Variants in ALDH1A2 observed in about 807,000 individuals in gnomAD.
ALDH1A2 encodes the protein retinal dehydrogenase 2.
ALDH1A2 carries 27 observed loss-of-function variants against 60.3 expected under a neutral mutation model. The ratio of observed to expected loss-of-function variants is 0.45; its 90% CI spans 0.33 to 0.62. The LOEUF is 0.62. ALDH1A2 is among the 20% of genes least tolerant of loss of function. ALDH1A2 has a pLI of 0.02. For synonymous variants in ALDH1A2, 289 were observed against 232.4 expected, an observed-to-expected ratio of 1.24 and a Z score of -2.21; for missense variants, 581 against 643.8, an observed-to-expected ratio of 0.90 and a Z score of 1.06.
At chr15:57,970,146 G>A (rs1343682435) in intron 7 of ALDH1A2, among the ~76,000 whole-genome samples, 2 of 152,258 alleles carry the variant, frequency 1.3e-5, no homozygotes, top group Non-Finnish European at 2.9e-5. Flanking sequence ...TTATGAAGCA[G>A]AAGTAGCTTG....
At chr15:57,982,335 T>A (rs1446589079) in intron 7 of ALDH1A2, among the ~76,000 whole-genome samples, 1 of 152,254 alleles carries the variant, frequency 6.6e-6, no homozygotes, top group Admixed American at 6.5e-5. Context: ...TTTTCTGATA[T>A]GACTGACATA....
Position 58,014,300 on chromosome 15 carries a change from G to C in ALDH1A2, c.118-19C>G. ...TAAAGATCTAAGGGAGTAGATAACA[G>C]AATGGGATCTGTGACACAGGTGATA... On this transcript the variant is annotated intron_variant, in intron 1 of 12. Transcript: ENST00000249750. The C allele has an allele frequency of 6.3e-7, 1 of 1,586,058 alleles. No individual in the cohort carries two copies. The highest frequency in any genetic ancestry group is 8.7e-7 in the Non-Finnish European group (1 of 1,154,612).
rs71116542 is a variant in ALDH1A2, at chr15:57,986,571, CA to C, written c.798+6133del. Among the ~76,000 whole-genome samples, 802 of 82,034 alleles carry C rather than the reference CA, an allele frequency of 9.8e-3. 7 individuals carry two copies. Among genetic ancestry groups the C allele is most frequent in the African/African-American group, 0.035 (697 of 19,728 alleles). 53.8% of individuals were successfully genotyped at this position (82,034 alleles called of 152,430 possible). Reference sequence around the variant, plus strand: ...ATCCTTTCAAAATTAACAGAAAAGCCAAAAAAAAAAAAAAAAAAAAAAGGAC... The same window carrying C: ...ATCCTTTCAAAATTAACAGAAAAGCCAAAAAAAAAAAAAAAAAAAAAGGAC... On this transcript the variant is annotated intron_variant, in intron 7 of 12. Transcript: ENST00000249750.
Position 57,963,954 on chromosome 15 carries a change from T to G in ALDH1A2, c.1017A>C (p.Arg339Ser), listed in dbSNP as rs1321653431. 1.9e-6 allele frequency: 3 copies of G among 1,614,132 alleles called. No individual in the cohort carries two copies. The highest frequency in any genetic ancestry group is 1.7e-6 in the Non-Finnish European group (2 of 1,180,004). ...EESIYEEFVR[R>S]SVERAKRRVV... ...CGCGCCTCTTGGCCCGCTCCACGCT[T>G]CTTCTCACAAACTCCTCATAGATGG... The change falls in exon 9 of 13, where the codon AGA (arginine) becomes AGC (serine). Residue 339 changes from arginine (R) to serine (S), a missense_variant. By Grantham distance (110) the Arg-to-Ser change is moderately radical (BLOSUM62 -1). Around this residue, in one of 2 missense-constraint regions of ALDH1A2, gnomAD observed 375 missense variants for 469.7 expected, o/e 0.80. Transcript: ENST00000249750.
chr15:57,966,177 G>A (rs1295932052), intron 7 of ALDH1A2, among the ~76,000 whole-genome samples: 11 of 152,006 alleles, frequency 7.2e-5, no homozygotes, highest in African/African-American at 1.5e-4. Flanking sequence ...TTTGGACTCC[G>A]GCTCCAGAAA....
At chr15:57,979,520 C>A (rs1028594074) in intron 7 of ALDH1A2, among the ~76,000 whole-genome samples, 1 of 152,130 alleles carries the variant, frequency 6.6e-6, no homozygotes, top group African/African-American at 2.4e-5. Context: ...CCTTCTCCTC[C>A]ACAGCCTGGT....
intron 1 of ALDH1A2, among the ~76,000 whole-genome samples, chr15:58,027,522 TG>T (rs1353406397): frequency 2.6e-5 from 4 of 151,998 alleles, no homozygotes; most frequent in Non-Finnish European, 1.5e-5. Flanking sequence ...TCACCAGCAA[TG>T]GAACAAAACT....
At chr15:57,968,728 T>G (rs1893971327) in intron 7 of ALDH1A2, among the ~76,000 whole-genome samples, 1 of 152,362 alleles carries the variant, frequency 6.6e-6, no homozygotes, top group East Asian at 1.9e-4. Flanking sequence ...AGTAAATATT[T>G]GGGGTTGGCA....
At chr15:57,983,904 G>A (rs1181567618) in intron 7 of ALDH1A2, among the ~76,000 whole-genome samples, 2 of 152,142 alleles carry the variant, frequency 1.3e-5, no homozygotes, top group African/African-American at 4.8e-5. Context: ...AGTGTCAAAT[G>A]GAAACCCTGT....
Position 57,954,984 on chromosome 15 carries a change from G to C in ALDH1A2, c.*213C>G, listed in dbSNP as rs1893468642. 1 of 611,924 alleles carries C rather than the reference G, an allele frequency of 1.6e-6. No individual in the cohort carries two copies. The highest frequency in any genetic ancestry group is 1.9e-5 in the South Asian group (1 of 51,748). The allele number at this position is 611,924 out of a possible 1,614,324, so 37.9% of individuals were successfully genotyped here. A position where few individuals can be genotyped will look rare whatever the true frequency, so the allele number is the denominator to read the frequency against. On this transcript the variant is annotated 3_prime_UTR_variant, in exon 13 of 13. Transcript: ENST00000249750. ...CTTTATCCCACTTTCCCCAATATTT[G>C]GTATGATTAAGGTGGCCCCTTACAG...
At chr15:57,982,426 TAG>T (rs1356840571) in intron 7 of ALDH1A2, among the ~76,000 whole-genome samples, 2 of 152,220 alleles carry the variant, frequency 1.3e-5, no homozygotes, top group African/African-American at 4.8e-5. Flanking sequence ...TTAGTTGGTT[TAG>T]AGAGACGCAA....
At chr15:57,997,534 A>G (rs1895104168) in intron 4 of ALDH1A2, among the ~76,000 whole-genome samples, 1 of 152,004 alleles carries the variant, frequency 6.6e-6, no homozygotes, top group South Asian at 2.1e-4. Flanking sequence ...CAGCACATGT[A>G]GGAACCTGGA....
intron 7 of ALDH1A2, among the ~76,000 whole-genome samples, chr15:57,977,591 G>A (rs1894307562): frequency 6.6e-6 from 1 of 152,186 alleles, no homozygotes; most frequent in Non-Finnish European, 1.5e-5. Flanking sequence ...GTTTGTACCA[G>A]TACCATGCTG....
At chr15:58,048,543 A>G (rs1219898387) in intron 1 of ALDH1A2, among the ~76,000 whole-genome samples, 1 of 152,024 alleles carries the variant, frequency 6.6e-6, no homozygotes, top group African/African-American at 2.4e-5. Context: ...GGAAGTATGG[A>G]TGGGGGATCT....
intron 4 of ALDH1A2, among the ~76,000 whole-genome samples, chr15:58,000,527 A>C (rs1429870412): frequency 6.6e-6 from 1 of 152,030 alleles, no homozygotes; most frequent in African/African-American, 2.4e-5. Flanking sequence ...AAATATGTAA[A>C]TAGCTACCTG....
At chr15:57,980,045 T>C (rs1420378596) in intron 7 of ALDH1A2, 2 of 325,220 alleles carry the variant, frequency 6.1e-6, no homozygotes, top group African/African-American at 2.2e-5. Flanking sequence ...GAGTGGTCCA[T>C]GGGGGGGCAG....
chr15:57,963,072 C>T (rs1893780406), intron 9 of ALDH1A2, among the ~76,000 whole-genome samples: 1 of 152,142 alleles, frequency 6.6e-6, no homozygotes, highest in African/African-American at 2.4e-5. Flanking sequence ...GGGAAGTGAG[C>T]CAGCCCTTCA....
At chr15:57,988,816 G>A (rs2140485888) in intron 7 of ALDH1A2, among the ~76,000 whole-genome samples, 1 of 152,276 alleles carries the variant, frequency 6.6e-6, no homozygotes, top group Non-Finnish European at 1.5e-5. Context: ...CTCACTATGT[G>A]GCTTCTTGTC....
Position 57,965,748 on chromosome 15 carries a change from T to A in ALDH1A2, c.878A>T (p.Asn293Ile), listed in dbSNP as rs766296622. Residue 293 changes from asparagine to isoleucine, a missense_variant, in exon 8 of 13, where the codon AAT (asparagine) becomes ATT (isoleucine). Around this residue, in one of 2 missense-constraint regions of ALDH1A2, gnomAD observed 375 missense variants for 469.7 expected, o/e 0.80. Coordinates refer to ENST00000249750, the MANE Select transcript of ALDH1A2 (RefSeq NM_003888.4). ...VTLELGGKSP[N>I]IIFADADLDY... ...ACAGTCAGCATCAGCAAAAATAATA[T>A]TAGGACTTTTGCCTCCAAGTTCCAG... is the stretch of plus-strand genomic sequence containing the variant. The A allele has an allele frequency of 6.2e-7, 1 of 1,613,908 alleles. No homozygotes were observed. Among genetic ancestry groups the A allele is most frequent in the South Asian group, 1.1e-5 (1 of 91,074 alleles).
Sources: allele counts gnomAD v4.1 joint callset (sites outside exome capture counted in the v4.1 genomes callset), GRCh38; gene constraint gnomAD v4.1.1; regional missense constraint gnomAD v4.1.1; transcripts MANE v1.5; gene names NCBI Gene and HGNC (gene_info 2026-07-23, HGNC 2026-07-21).